GMDS: variants seen among roughly 807,000 people sequenced by gnomAD.
The protein encoded by GMDS is GDP-mannose 4,6 dehydratase.
Under a neutral mutation model 49.9 loss-of-function variants are expected in GMDS, and 20 were observed. The ratio of observed to expected loss-of-function variants is 0.40; its 90% CI spans 0.28 to 0.58. The LOEUF (loss-of-function observed/expected upper bound fraction) is 0.58. Ranked by LOEUF, GMDS falls within the 20% of genes least tolerant of loss-of-function variation. The probability of loss-of-function intolerance (pLI) is 0.42; values close to 1 mark genes in which losing one functional copy is unlikely to be tolerated. For synonymous variants in GMDS, 177 were observed against 178.6 expected (o/e 0.99, Z 0.07); for missense variants, 362 against 481.4 (o/e 0.75, Z 2.32).
At chr6:2,026,068 T>C (rs1038983307) in intron 4 of GMDS, among the ~76,000 whole-genome samples, 9 of 152,232 alleles carry the variant, frequency 5.9e-5, no homozygotes, top group African/African-American at 1.2e-4. Flanking sequence ...AGTTTCACTA[T>C]ATTTTTAATG....
chr6:1,746,027 G>A (rs961597958), intron 7 of GMDS, among the ~76,000 whole-genome samples: 2 of 152,190 alleles, frequency 1.3e-5, no homozygotes, highest in African/African-American at 4.8e-5. Flanking sequence ...AGCTGCACAC[G>A]TTGATGTGCT....
At position 1,941,978 on chromosome 6, in the gene GMDS, G is replaced by A. The variant is rs2628437; in HGVS notation, c.644-11748C>T. Among the ~76,000 whole-genome samples the A allele has an allele frequency of 6.2e-3, 949 of 152,206 alleles. 8 individuals are homozygous for A. The highest frequency in any genetic ancestry group is 0.021 in the African/African-American group (887 of 41,516). ...CTCCCACTGTCTCTGCTCCTACGCC[G>A]TGAACTGAGTCGGAGGGAGAACCTT... On this transcript the variant is annotated intron_variant, in intron 6 of 10. Coordinates refer to ENST00000380815, the MANE Select transcript of GMDS (RefSeq NM_001500.4).
intron 9 of GMDS, among the ~76,000 whole-genome samples, chr6:1,632,874 G>A (rs1475319774): frequency 2.0e-5 from 3 of 152,166 alleles, no homozygotes; most frequent in Non-Finnish European, 2.9e-5. Flanking sequence ...ATGAGACTTC[G>A]CCTCTAAAGG....
intron 9 of GMDS, among the ~76,000 whole-genome samples, chr6:1,644,047 C>T (rs751417309): frequency 1.3e-5 from 2 of 152,278 alleles, no homozygotes; most frequent in East Asian, 1.9e-4. Context: ...CAGGGCCCAG[C>T]GCTGTGACTG....
chr6:1,849,992 C>A (rs1225828148), intron 7 of GMDS, among the ~76,000 whole-genome samples: 1 of 152,202 alleles, frequency 6.6e-6, no homozygotes, highest in Non-Finnish European at 1.5e-5. Context: ...TGAAGACATT[C>A]ACTGCACATA....
chr6:1,890,628 T>C (rs1759825539), intron 7 of GMDS, among the ~76,000 whole-genome samples: 1 of 152,156 alleles, frequency 6.6e-6, no homozygotes, highest in Admixed American at 6.6e-5. Context: ...AGGTGTTATA[T>C]ATCTAAGAAG....
rs1581774687 is a variant in GMDS at position 2,191,713 on chromosome 6, G to C, written c.102+53608C>G. Among the ~76,000 whole-genome samples, 1 of 152,342 alleles carries C rather than the reference G, an allele frequency of 6.6e-6. No individual in the cohort carries two copies. ...CTCTGTGTGCTGACAAGCATGGGAT[G>C]TGGAACCTAGGGGGACACTGAGAGC... is the stretch of plus-strand genomic sequence containing the variant. On this transcript the variant is annotated intron_variant, in intron 1 of 10. Transcript: ENST00000380815. The surrounding 1 kb of genome is among the most constrained non-coding windows in gnomAD (Gnocchi z 4.6).
intron 6 of GMDS, 68 bp from the exon 7 acceptor site, chr6:1,930,298 A>G (rs1458472095): frequency 3.6e-6 from 5 of 1,382,246 alleles, no homozygotes; most frequent in Non-Finnish European, 5.0e-6. Context: ...TGGTGAACCA[A>G]ACCCGATTTC....
At chr6:1,871,579 TC>T (rs1758756396) in intron 7 of GMDS, among the ~76,000 whole-genome samples, 1 of 152,346 alleles carries the variant, frequency 6.6e-6, no homozygotes, top group East Asian at 1.9e-4. Context: ...TTACTTTTTT[TC>T]ATGAAATAAT....
At chr6:1,967,191 C>T (rs1431207652) in intron 4 of GMDS, among the ~76,000 whole-genome samples, 1 of 152,152 alleles carries the variant, frequency 6.6e-6, no homozygotes, top group Non-Finnish European at 1.5e-5. Flanking sequence ...CGTCTTTATC[C>T]TGCTTCATTT....
At chr6:1,978,177 G>A (rs943617112) in intron 4 of GMDS, among the ~76,000 whole-genome samples, 2 of 152,084 alleles carry the variant, frequency 1.3e-5, no homozygotes, top group African/African-American at 4.8e-5. Flanking sequence ...GGGTCCCAAC[G>A]AGGAAGGGTC....
rs138928867 is a variant in GMDS, at chr6:2,227,468, G to T, written c.102+17853C>A. 5.1e-4 allele frequency among the ~76,000 whole-genome samples: 77 copies of T among 152,282 alleles called. 1 individual carries two copies. The highest frequency in any genetic ancestry group is 1.8e-3 in the African/African-American group (73 of 41,540). ...ATGGCAAGTTTCTTATCTTTGGAGAGGACTGAAATCAAAGGTCAGAACATC... is the reference window on the plus strand; with the variant it reads ...ATGGCAAGTTTCTTATCTTTGGAGATGACTGAAATCAAAGGTCAGAACATC... On this transcript the variant is annotated intron_variant, in intron 1 of 10. Coordinates refer to ENST00000380815, the MANE Select transcript of GMDS (RefSeq NM_001500.4).
At chr6:1,811,350 A>C (rs1266072752) in intron 7 of GMDS, among the ~76,000 whole-genome samples, 1 of 152,224 alleles carries the variant, frequency 6.6e-6, no homozygotes, top group African/African-American at 2.4e-5. Context: ...TGGACAAACA[A>C]GTCATGGAAG....
chr6:1,726,220 T>C (rs1766580226), intron 9 of GMDS, among the ~76,000 whole-genome samples, 196 bp downstream of exon 9: 1 of 152,260 alleles, frequency 6.6e-6, no homozygotes, highest in South Asian at 2.1e-4. Context: ...TTTTCCTTTA[T>C]AGAGCAATGA....
chr6:2,017,149 C>T (rs547722935), intron 4 of GMDS, among the ~76,000 whole-genome samples: 1 of 152,028 alleles, frequency 6.6e-6, no homozygotes, highest in Non-Finnish European at 1.5e-5. Context: ...GAAATATTTC[C>T]AGGTAGCACT....
rs186005454 is a variant in GMDS, at chr6:2,097,425, T to G, written c.345+18346A>C. Among the ~76,000 whole-genome samples the G allele has an allele frequency of 3.9e-5, 6 of 152,212 alleles. No individual in the cohort carries two copies. In the East Asian group the frequency reaches 1.2e-3, roughly 29 times the overall value. ...CTGGGAAGAGAAAGAGGGTGCAGCT[T>G]AAGTAGAAAATGGACAGCTAAAACG... On this transcript the variant is annotated intron_variant, in intron 4 of 10. Transcript: ENST00000380815.
chr6:2,109,853 C>T (rs1234529110), intron 4 of GMDS, among the ~76,000 whole-genome samples: 1 of 152,188 alleles, frequency 6.6e-6, no homozygotes, highest in Non-Finnish European at 1.5e-5. Flanking sequence ...ATTGTATGGG[C>T]CACAGGCCAG....
intron 9 of GMDS, among the ~76,000 whole-genome samples, chr6:1,656,434 G>C (rs1302691621): frequency 6.6e-6 from 1 of 152,184 alleles, no homozygotes; most frequent in Non-Finnish European, 1.5e-5. Context: ...ATGTAGGATT[G>C]ATATGATTGT....
intron 7 of GMDS, among the ~76,000 whole-genome samples, chr6:1,835,097 G>A (rs560473617): frequency 1.2e-3 from 187 of 152,256 alleles, no homozygotes; most frequent in Non-Finnish European, 1.4e-3. Flanking sequence ...TATAAAGTGA[G>A]TGCTAAGTGC....
Sources: gnomAD v4.1 joint callset for allele counts (sites outside exome capture counted in the v4.1 genomes callset) on GRCh38, gnomAD v4.1.1 for gene constraint, Gnocchi (gnomAD v3.1) non-coding constraint, MANE v1.5 for transcripts, NCBI Gene and HGNC (gene_info 2026-07-23, HGNC 2026-07-21) for gene names.